The following RAD51B variants were observed in gnomAD, a reference collection of about 807,000 sequenced individuals.
RAD51B encodes RAD51 paralog B.
A neutral mutation model predicts 42.2 loss-of-function variants in RAD51B; 38 were observed. The ratio of observed to expected loss-of-function variants is 0.90; its 90% CI spans 0.70 to 1.18. The LOEUF is 1.18. Ranked by LOEUF, RAD51B falls within the 50% of genes most tolerant of loss-of-function variation. The pLI is 0.00. For synonymous variants in RAD51B, 154 were observed against 145.2 expected, an observed-to-expected ratio of 1.06 and a Z score of -0.43; for missense variants, 373 against 400.7, an observed-to-expected ratio of 0.93 and a Z score of 0.59.
chr14:67,921,554 A>G (rs17104776), intron 7 of RAD51B, among the ~76,000 whole-genome samples: 41,272 of 148,472 alleles, frequency 0.28, 7,402 homozygotes, highest in African/African-American at 0.51. Context: ...ATGTGCATGT[A>G]CATATGTGCA....
chr14:68,047,053 T>G (rs2076313445), intron 7 of RAD51B, among the ~76,000 whole-genome samples: 1 of 151,830 alleles, frequency 6.6e-6, no homozygotes, highest in Non-Finnish European at 1.5e-5. Flanking sequence ...ACTTTTACTA[T>G]AATATATATT....
chr14:68,549,408 C>CTTTTTTTT (rs1888400828), intron 10 of RAD51B, among the ~76,000 whole-genome samples: 1 of 71,328 alleles, frequency 1.4e-5, no homozygotes. Context: ...GCCCTGGACA[C>CTTTTTTTT]ATTTTTTTTT....
rs532464312 is a variant in RAD51B, at chr14:68,648,235, A to T, written c.1037-2546A>T. On this transcript the variant is annotated intron_variant, in intron 10 of 11. Coordinates refer to the RAD51B transcript ENST00000488612. Reference sequence around the variant, plus strand: ...ATGTGTGTGAGTAAAGAGTGTGCAGATGTTGCACAAAACTCTGTACGTGCT... The same window carrying T: ...ATGTGTGTGAGTAAAGAGTGTGCAGTTGTTGCACAAAACTCTGTACGTGCT... 3.0e-3 allele frequency among the ~76,000 whole-genome samples: 432 copies of T among 146,326 alleles called. 5 individuals are homozygous for T. Among genetic ancestry groups the T allele is most frequent in the African/African-American group, 9.7e-3 (395 of 40,564 alleles).
chr14:67,881,418 A>G (rs563863317), intron 5 of RAD51B, among the ~76,000 whole-genome samples: 16 of 152,244 alleles, frequency 1.1e-4, no homozygotes, highest in African/African-American at 3.4e-4. Context: ...CTCAACCTCA[A>G]GTAGTTTCCC....
chr14:68,018,491 A>G (rs2075813089), intron 7 of RAD51B, among the ~76,000 whole-genome samples: 1 of 152,152 alleles, frequency 6.6e-6, no homozygotes, highest in African/African-American at 2.4e-5. Context: ...CACTCTATTT[A>G]CTTGGTGTGG....
intron 7 of RAD51B, among the ~76,000 whole-genome samples, chr14:68,201,146 T>C (rs1473501232): frequency 1.3e-5 from 2 of 152,224 alleles, no homozygotes; most frequent in Admixed American, 6.5e-5. Flanking sequence ...CATATTGAAA[T>C]TATTTAAGAG....
intron 11 of RAD51B, among the ~76,000 whole-genome samples, chr14:68,679,765 C>T (rs1439225072): frequency 1.3e-5 from 2 of 152,204 alleles, no homozygotes; most frequent in East Asian, 1.9e-4. Context: ...CAGGAATTAG[C>T]ATCTCCTCTT....
At chr14:68,220,255 G>A (rs753588941) in intron 7 of RAD51B, among the ~76,000 whole-genome samples, 19 of 152,210 alleles carry the variant, frequency 1.2e-4, no homozygotes, top group South Asian at 6.2e-4. Flanking sequence ...TTTAGAAAGC[G>A]TATTTGAGGG....
chr14:68,125,877 C>G (rs1334998483), intron 7 of RAD51B, among the ~76,000 whole-genome samples: 1 of 152,048 alleles, frequency 6.6e-6, no homozygotes, highest in African/African-American at 2.4e-5. Context: ...CATTGAAACT[C>G]ATTCTCATGG....
intron 11 of RAD51B, among the ~76,000 whole-genome samples, chr14:68,655,127 G>A (rs902417572): frequency 9.0e-6 from 1 of 111,456 alleles, no homozygotes; most frequent in Non-Finnish European, 2.0e-5. Flanking sequence ...GAGGCAAATG[G>A]TGAGTGTGTG....
At chr14:68,475,210 T>C (rs1882461673) in intron 10 of RAD51B, among the ~76,000 whole-genome samples, 1 of 152,188 alleles carries the variant, frequency 6.6e-6, no homozygotes. Context: ...ATATAGTCAT[T>C]AATCTGGGTG....
At chr14:67,862,213 A>G (rs953812932) in intron 4 of RAD51B, among the ~76,000 whole-genome samples, 3 of 152,142 alleles carry the variant, frequency 2.0e-5, no homozygotes, top group Non-Finnish European at 1.5e-5. Context: ...ACAGTGTACT[A>G]TAAACATATT....
chr14:68,635,151 T>TC (rs945254234), intron 10 of RAD51B, among the ~76,000 whole-genome samples: 15 of 152,036 alleles, frequency 9.9e-5, no homozygotes, highest in Admixed American at 2.6e-4. Context: ...CCTCTGAGTA[T>TC]CCCCCCCTCA....
rs191377415 is a variant in RAD51B, at chr14:68,030,301, T to A, written c.756+143097T>A. 2.0e-5 allele frequency among the ~76,000 whole-genome samples: 3 copies of A among 152,358 alleles called. No homozygotes were observed. In the East Asian group the frequency reaches 5.8e-4, roughly 29 times the overall value. On this transcript the variant is annotated intron_variant, in intron 7 of 10. Coordinates refer to ENST00000471583, the MANE Select transcript of RAD51B (RefSeq NM_133510.4). ...AATCTGAGATGGCATCTTCTTCCAA[T>A]AGAAGGCTGTTTTGTTTGCATGAAA...
At chr14:68,479,667 C>A (rs199863635), downstream of RAD51B, among the ~76,000 whole-genome samples, 1 of 96,452 alleles carries the variant, frequency 1.0e-5, no homozygotes. Context: ...TCTTATTCTT[C>A]TTTTTTTTTT....
At chr14:68,667,769 CTTAT>C (rs1893062378) in intron 11 of RAD51B, among the ~76,000 whole-genome samples, 1 of 152,220 alleles carries the variant, frequency 6.6e-6, no homozygotes, top group African/African-American at 2.4e-5. Flanking sequence ...TAAGTCAGCT[CTTAT>C]TTATTATATC....
At chr14:68,653,148 G>C (rs1892736182) in intron 11 of RAD51B, among the ~76,000 whole-genome samples, 1 of 152,228 alleles carries the variant, frequency 6.6e-6, no homozygotes, top group African/African-American at 2.4e-5. Context: ...CACAGGTGGA[G>C]AGTATATAAC....
chr14:68,419,845 G>T (rs2084655261), intron 9 of RAD51B, among the ~76,000 whole-genome samples: 1 of 152,184 alleles, frequency 6.6e-6, no homozygotes, highest in Non-Finnish European at 1.5e-5. Flanking sequence ...GCAGGCAGCA[G>T]CCTGTGTGGG....
At chr14:68,674,365 GT>G (rs911134668) in intron 11 of RAD51B, among the ~76,000 whole-genome samples, 6 of 152,076 alleles carry the variant, frequency 3.9e-5, no homozygotes, top group African/African-American at 1.4e-4. Context: ...ATGTTATTGT[GT>G]TCCTTCCAGA....
Sources: gnomAD v4.1 joint callset for allele counts (sites outside exome capture counted in the v4.1 genomes callset) on GRCh38, gnomAD v4.1.1 for gene constraint, MANE v1.5 for transcripts, NCBI Gene and HGNC (gene_info 2026-07-23, HGNC 2026-07-21) for gene names.